Variants in CRX observed in about 807,000 individuals in gnomAD.
The protein encoded by CRX is cone-rod homeobox protein.
In CRX, 5 loss-of-function variants were observed where a neutral mutation model predicts 13.1. That is an observed-to-expected ratio of 0.38 (90% CI 0.20 to 0.80). The LOEUF (loss-of-function observed/expected upper bound fraction) is 0.80, where lower values mean the gene tolerates loss of function less well. CRX is among the 30% of genes least tolerant of loss of function. The pLI is 0.43. For missense variants in CRX, 351 were observed against 391.8 expected (o/e 0.90, Z 0.88); for synonymous variants, 179 against 171.1 (o/e 1.05, Z -0.36).
At chr19:47,829,746 C>T (rs1483405366) in intron 1 of CRX, among the ~76,000 whole-genome samples, 2 of 151,984 alleles carry the variant, frequency 1.3e-5, no homozygotes, top group African/African-American at 4.8e-5. Flanking sequence ...CCTCCTGCCT[C>T]AGCCTCCTGA....
rs1568626020 is a variant in CRX, at chr19:47,839,389, C to T, written c.322C>T (p.Pro108Ser). 6.2e-7 allele frequency: 1 copy of T among 1,613,654 alleles called. No homozygotes were observed. The highest frequency in any genetic ancestry group is 8.5e-7 in the Non-Finnish European group (1 of 1,179,822). ...GCAGCAGAAACAGCAGCAGCAGCCCCCAGGGGGCCAGGCCAAGGCCCGGCC... is the reference window on the plus strand; with the variant it reads ...GCAGCAGAAACAGCAGCAGCAGCCCTCAGGGGGCCAGGCCAAGGCCCGGCC... ...RQQQKQQQQP[P>S]GGQAKARPAK... Residue 108 changes from proline (P) to serine (S), a missense_variant, in exon 4 of 4, where the codon CCA (proline) becomes TCA (serine). Physicochemically the swap from Pro to Ser is moderately conservative, Grantham distance 74. Transcript: ENST00000221996. The surrounding 1 kb of genome is among the most constrained non-coding windows in gnomAD (Gnocchi z 4.6).
At chr19:47,834,315 G>T in intron 1 of CRX, 94 bp from the exon 2 acceptor site, 1 of 761,508 alleles carries the variant, frequency 1.3e-6, no homozygotes, top group East Asian at 2.6e-5. Flanking sequence ...ACATACCTAA[G>T]AGGAGAAGGA....
At chr19:47,825,554 C>A (rs889692105) in intron 1 of CRX, among the ~76,000 whole-genome samples, 1 of 152,092 alleles carries the variant, frequency 6.6e-6, no homozygotes, top group Admixed American at 6.6e-5. Flanking sequence ...AGCACTTTAT[C>A]ATTATTATCA....
chr19:47,827,403 T>A (rs865925028), intron 1 of CRX, among the ~76,000 whole-genome samples: 4 of 147,934 alleles, frequency 2.7e-5, no homozygotes, highest in Non-Finnish European at 4.6e-5. Context: ...GCTGTTTTTT[T>A]AATTTTTTTT....
At position 47,839,874 on chromosome 19, in the gene CRX, C is replaced by G. The variant is rs1309761683; in HGVS notation, c.807C>G (p.Phe269Leu). The G allele has an allele frequency of 1.9e-6, 3 of 1,614,126 alleles. No individual in the cohort carries two copies. The Admixed American group carries it at 5.0e-5, about 27-fold the overall frequency. ...ACAGCCCCGTGGATAGCTTGGAATT[C>G]AAGGACCCCACGGGCACCTGGAAAT... ...GAYSPVDSLEFKDPTGTWKFT... is the reference protein window; with the variant it reads ...GAYSPVDSLELKDPTGTWKFT... The change falls in exon 4 of 4, where the codon TTC (phenylalanine) becomes TTG (leucine). Residue 269 changes from phenylalanine to leucine, a missense_variant. Coordinates refer to ENST00000221996, the MANE Select transcript of CRX (RefSeq NM_000554.6). The surrounding 1 kb of genome is among the most constrained non-coding windows in gnomAD (Gnocchi z 4.6).
chr19:47,838,253 A>C (rs927082761), intron 3 of CRX, among the ~76,000 whole-genome samples: 5 of 145,342 alleles, frequency 3.4e-5, no homozygotes, highest in African/African-American at 1.0e-4. Flanking sequence ...AATTGTATGT[A>C]TGTTTGCATT....
At chr19:47,830,055 C>A (rs1265155616) in intron 1 of CRX, among the ~76,000 whole-genome samples, 1 of 148,530 alleles carries the variant, frequency 6.7e-6, no homozygotes, top group Non-Finnish European at 1.5e-5. Flanking sequence ...TATAATAACA[C>A]AAATAATAAT....
At chr19:47,834,591 G>A (rs1325665944) in intron 2 of CRX, 48 bp downstream of exon 2, 2 of 1,512,680 alleles carry the variant, frequency 1.3e-6, no homozygotes, top group Non-Finnish European at 1.8e-6. Context: ...CTCATCTCTT[G>A]GAGGACCTCT....
At chr19:47,824,990 A>ATTT (rs11374819) in intron 1 of CRX, among the ~76,000 whole-genome samples, 12,527 of 100,122 alleles carry the variant, frequency 0.13, 1,160 homozygotes, top group Non-Finnish European at 0.16. Context: ...CGATTGATTG[A>ATTT]TTTTTTTTTT....
At chr19:47,835,756 G>T (rs12052175) in intron 2 of CRX, among the ~76,000 whole-genome samples, 5 of 151,420 alleles carry the variant, frequency 3.3e-5, no homozygotes, top group Non-Finnish European at 7.4e-5. Flanking sequence ...CGAGTAGCTG[G>T]GACTACAGGC....
At chr19:47,833,029 C>CT (rs35088115) in intron 1 of CRX, among the ~76,000 whole-genome samples, 2,413 of 88,200 alleles carry the variant, frequency 0.027, 92 homozygotes, top group African/African-American at 0.095. Flanking sequence ...TCCACACTCG[C>CT]TTTTTTTTTT....
intron 1 of CRX, among the ~76,000 whole-genome samples, chr19:47,826,499 G>T (rs918379152): frequency 8.5e-5 from 13 of 152,182 alleles, no homozygotes; most frequent in Non-Finnish European, 1.9e-4. Flanking sequence ...CAGCTACTTG[G>T]GAGGCTGAGG....
At chr19:47,828,468 G>A (rs1034852165) in intron 1 of CRX, among the ~76,000 whole-genome samples, 40 of 152,158 alleles carry the variant, frequency 2.6e-4, no homozygotes, top group African/African-American at 8.7e-4. Context: ...TATTTATTGG[G>A]GGTGCTGGGG....
intron 1 of CRX, among the ~76,000 whole-genome samples, chr19:47,828,853 CT>C (rs1318187390): frequency 7.0e-6 from 1 of 142,058 alleles, no homozygotes; most frequent in Admixed American, 7.4e-5. Flanking sequence ...GTTCTGTTTG[CT>C]TTTTTGAAGA....
chr19:47,822,276 A>G (rs1288965578), intron 1 of CRX, among the ~76,000 whole-genome samples: 2 of 152,080 alleles, frequency 1.3e-5, no homozygotes, highest in African/African-American at 2.4e-5. Context: ...CTTGTGGGCA[A>G]GGGGGTCCCC....
intron 3 of CRX, among the ~76,000 whole-genome samples, chr19:47,838,484 A>C (rs951524222): frequency 1.2e-4 from 19 of 152,152 alleles, no homozygotes; most frequent in Admixed American, 3.3e-4. Context: ...TTGTATGATC[A>C]GATGGATGGA....
chr19:47,831,211 G>T (rs575394409), intron 1 of CRX, among the ~76,000 whole-genome samples: 4 of 149,904 alleles, frequency 2.7e-5, no homozygotes, highest in Non-Finnish European at 5.9e-5. Flanking sequence ...GGAGGCTGAG[G>T]CAGGAGAATC....
chr19:47,834,882 C>T (rs959398146), intron 2 of CRX, among the ~76,000 whole-genome samples: 6 of 151,898 alleles, frequency 4.0e-5, no homozygotes, highest in East Asian at 1.9e-4. Flanking sequence ...GTGGTGGTCA[C>T]GGCTCACTGC....
chr19:47,824,091 C>T (rs754024985), intron 1 of CRX, among the ~76,000 whole-genome samples: 6 of 152,198 alleles, frequency 3.9e-5, no homozygotes, highest in Admixed American at 2.0e-4. Context: ...AGCCATATTG[C>T]AGGCCTGGCC....
Sources: allele counts gnomAD v4.1 joint callset (sites outside exome capture counted in the v4.1 genomes callset), GRCh38; gene constraint gnomAD v4.1.1; non-coding constraint Gnocchi (gnomAD v3.1); transcripts MANE v1.5; gene names NCBI Gene and HGNC (gene_info 2026-07-23, HGNC 2026-07-21).